The following CAPN3 variants were observed in gnomAD, a reference collection of about 807,000 sequenced individuals.
The protein encoded by CAPN3 is calpain 3, also known as calpain-3.
Under a neutral mutation model 114.0 loss-of-function variants are expected in CAPN3, and 88 were observed. The observed-to-expected ratio is 0.77, with a 90% confidence interval of 0.65 to 0.92. The LOEUF is 0.92. Among genes scored for constraint, CAPN3 ranks in the 40% least tolerant of loss-of-function variants. The pLI is 0.00. For synonymous variants in CAPN3, 386 were observed against 382.9 expected (o/e 1.01, Z -0.09); for missense variants, 1,028 against 1,069.0 (o/e 0.96, Z 0.53).
rs28364538 is a variant in CAPN3, at chr15:42,411,011, GA to G, written c.2380+12del. On this transcript the variant is annotated intron_variant, in intron 22 of 23. Transcript: ENST00000397163. The stretch of plus-strand genomic sequence containing the variant: ...TGGAGGGCATGTTCAGTAAGTGGGA[GA>G]GGGGGGCTGCCCTCTGCTCTCTTGC... 0.058 allele frequency: 92,727 copies of G among 1,592,214 alleles called. 3,022 individuals are homozygous for G. The highest frequency in any genetic ancestry group is 0.067 in the Non-Finnish European group (77,960 of 1,160,068).
intron 1 of CAPN3, among the ~76,000 whole-genome samples, chr15:42,378,617 A>G (rs1335784422): frequency 3.3e-5 from 5 of 151,194 alleles, no homozygotes; most frequent in East Asian, 2.0e-4. Context: ...TTGACTTTCT[A>G]TTGTTTTCTT....
intron 1 of CAPN3, among the ~76,000 whole-genome samples, chr15:42,381,816 G>T (rs1468527340): frequency 6.6e-6 from 1 of 152,174 alleles, no homozygotes; most frequent in South Asian, 2.1e-4. Context: ...GTGATTACAG[G>T]TGTGAGTCAT....
In CAPN3 at chr15:42,388,930, T is replaced by C. The variant is rs886042100; in HGVS notation, c.635T>C (p.Leu212Pro). The C allele has an allele frequency of 1.2e-6, 2 of 1,613,744 alleles. No individual in the cohort carries two copies. Among genetic ancestry groups the C allele is most frequent in the Non-Finnish European group, 1.7e-6 (2 of 1,180,004 alleles). ...SALLEKAYAKLHGSYEALKGG... is the reference protein window; with the variant it reads ...SALLEKAYAKPHGSYEALKGG... ...TTGGTCTTCATCCTCTCTCTAAGGCTCCATGGTTCCTACGAAGCTCTGAAA... is the reference window on the plus strand; with the variant it reads ...TTGGTCTTCATCCTCTCTCTAAGGCCCCATGGTTCCTACGAAGCTCTGAAA... Residue 212 changes from leucine (L) to proline (P), a missense_variant and splice_region_variant, in exon 5 of 24, where the codon CTC becomes CCC. Transcript: ENST00000397163.
intron 14 of CAPN3, chr15:42,405,000 GAC>G: frequency 5.1e-6 from 5 of 989,620 alleles, no homozygotes; most frequent in Non-Finnish European, 6.0e-6. Context: ...TCCCTGCACT[GAC>G]ACAGTTGTCT....
intron 3 of CAPN3, among the ~76,000 whole-genome samples, chr15:42,386,573 C>T: frequency 6.6e-6 from 1 of 152,140 alleles, no homozygotes; most frequent in East Asian, 1.9e-4. Context: ...GCTTTTATTG[C>T]CTGCAGCCCT....
chr15:42,402,521 A>G (rs2053901811), intron 12 of CAPN3: 1 of 1,438,540 alleles, frequency 7.0e-7, no homozygotes, highest in African/African-American at 1.4e-5. Context: ...GGGTCCTTCC[A>G]GCCTGAGGGG....
rs1217190023 is a variant in CAPN3, at chr15:42,386,296, G to A, written c.498+11G>A. On this transcript the variant is annotated intron_variant, in intron 3 of 23. Coordinates refer to ENST00000397163, the MANE Select transcript of CAPN3 (RefSeq NM_000070.3). ...ATCTTCCACTTCCAGGTGAGGTAAT[G>A]AGAGTGTAGTTAAGAGGGCCAGCGG... 6.3e-7 allele frequency: 1 copy of A among 1,585,782 alleles called. No individual in the cohort carries two copies. Among genetic ancestry groups the A allele is most frequent in the Admixed American group, 1.7e-5 (1 of 59,978 alleles).
At chr15:42,403,991 C>A in intron 14 of CAPN3, 2 of 658,354 alleles carry the variant, frequency 3.0e-6, no homozygotes, top group Non-Finnish European at 5.6e-6. Flanking sequence ...AGTTCAGGGG[C>A]TGGGAAATAT....
Position 42,388,978 on chromosome 15 carries a change from T to C in CAPN3, c.683T>C (p.Met228Thr). The C allele has an allele frequency of 1.2e-6, 2 of 1,614,048 alleles. No homozygotes were observed. The highest frequency in any genetic ancestry group is 1.3e-5 in the African/African-American group (1 of 75,012). The change falls in exon 5 of 24, where the codon ATG becomes ACG. Residue 228 changes from methionine to threonine, a missense_variant. By Grantham distance (81) the Met-to-Thr change is moderately conservative. Coordinates refer to ENST00000397163, the MANE Select transcript of CAPN3 (RefSeq NM_000070.3). ...AAAGGTGGGAACACCACAGAGGCCA[T>C]GGAGGACTTCACAGGAGGGGTGGCA... ...ALKGGNTTEAMEDFTGGVAEF... is the reference protein window; with the variant it reads ...ALKGGNTTEATEDFTGGVAEF...
intron 22 of CAPN3, 103 bp from the exon 23 acceptor site, chr15:42,411,184 T>A: frequency 9.3e-7 from 1 of 1,080,968 alleles, no homozygotes; most frequent in Non-Finnish European, 1.4e-6. Context: ...ATCTTTGTGC[T>A]GATGAGGGAC....
intron 1 of CAPN3, among the ~76,000 whole-genome samples, chr15:42,375,661 CTG>C (rs1405629993): frequency 6.6e-6 from 1 of 152,166 alleles, no homozygotes; most frequent in Non-Finnish European, 1.5e-5. Context: ...TTTAAATAAA[CTG>C]TAAATTTCAG....
chr15:42,405,930 A>C lies in CAPN3; in HGVS notation c.1787A>C (p.Lys596Thr). ...NTISVDRPVKKKKTKPIIFVS... is the reference protein window; with the variant it reads ...NTISVDRPVKTKKTKPIIFVS... The stretch of plus-strand genomic sequence containing the variant: ...CTGTTTCCTTTTCTTATGCAGAAAA[A>C]GAAAAAAACCAAGGTAGGTGTGTGG... Residue 596 changes from lysine to threonine, a missense_variant, in exon 15 of 24, where the codon AAG becomes ACG. By Grantham distance (78) the Lys-to-Thr change is moderately conservative (BLOSUM62 -1). Coordinates refer to ENST00000397163, the MANE Select transcript of CAPN3 (RefSeq NM_000070.3). 6.2e-7 allele frequency: 1 copy of C among 1,611,890 alleles called. No individual in the cohort carries two copies.
chr15:42,359,589 C>G lies in CAPN3; in HGVS notation c.-217C>G. The G allele has an allele frequency of 7.1e-7, 1 of 1,415,106 alleles. No homozygotes were observed. The highest frequency in any genetic ancestry group is 9.2e-7 in the Non-Finnish European group (1 of 1,088,694). The allele number at this position is 1,415,106 out of a possible 1,614,324, so 87.7% of individuals were successfully genotyped here. A position where few individuals can be genotyped will look rare whatever the true frequency, so the allele number is the denominator to read the frequency against. ...TTCAGAAATCCTTTAGCACTCATTT[C>G]TCAGGAGAACTTATGGCTTCAGAAT... is the stretch of plus-strand genomic sequence containing the variant. On this transcript the variant is annotated 5_prime_UTR_variant, in exon 1 of 24. Transcript: ENST00000397163.
intron 3 of CAPN3, 34 bp from the exon 4 acceptor site, chr15:42,387,719 A>C (rs1315102707): frequency 6.2e-7 from 1 of 1,613,890 alleles, no homozygotes; most frequent in South Asian, 1.1e-5. Context: ...CAGTAATTTG[A>C]GTATGTGACT....
At chr15:42,365,117 CT>C (rs990340493) in intron 1 of CAPN3, among the ~76,000 whole-genome samples, 5 of 152,158 alleles carry the variant, frequency 3.3e-5, no homozygotes, top group African/African-American at 1.2e-4. Flanking sequence ...GTGGAGTCAC[CT>C]TTCTGTAAAT....
chr15:42,404,121 C>T (rs765245267), intron 14 of CAPN3: 34 of 482,950 alleles, frequency 7.0e-5, no homozygotes, highest in Non-Finnish European at 1.1e-4. Flanking sequence ...TTGGATTTCA[C>T]ACATAGAGAA....
rs2141232022 is a variant in CAPN3, at chr15:42,412,167, T to C, written c.*394T>C. 2.6e-6 allele frequency: 4 copies of C among 1,536,152 alleles called. No individual in the cohort carries two copies. The highest frequency in any genetic ancestry group is 2.4e-5 in the East Asian group (1 of 40,916). On this transcript the variant is annotated 3_prime_UTR_variant, in exon 24 of 24. Coordinates refer to ENST00000397163, the MANE Select transcript of CAPN3 (RefSeq NM_000070.3). ...CCATCACCTTCACGCTGTCCCACCA[T>C]GGGCCAGGAACCAAACCAGCACTGG...
At position 42,360,045 on chromosome 15, in the gene CAPN3, C is replaced by T; in HGVS notation, c.240C>T (p.Phe80=). 1 of 1,614,174 alleles carries T rather than the reference C, an allele frequency of 6.2e-7. No homozygotes were observed. The highest frequency in any genetic ancestry group is 8.5e-7 in the Non-Finnish European group (1 of 1,179,996). The change falls in exon 1 of 24, where the codon TTC becomes TTT. Residue 80 remains phenylalanine, a synonymous_variant. Coordinates refer to ENST00000397163, the MANE Select transcript of CAPN3 (RefSeq NM_000070.3). Reference sequence around the variant, plus strand: ...AAGTTCTTTATGTGGACCCTGAGTTCCCACCGGATGAGACCTCTCTCTTTT... The same window carrying T: ...AAGTTCTTTATGTGGACCCTGAGTTTCCACCGGATGAGACCTCTCTCTTTT... ...EKKVLYVDPE[F]PPDETSLFYS... is the part of the protein sequence containing the mutation.
intron 8 of CAPN3, among the ~76,000 whole-genome samples, chr15:42,395,267 GCAGAC>G (rs2053659509): frequency 6.6e-6 from 1 of 152,136 alleles, no homozygotes; most frequent in African/African-American, 2.4e-5. Flanking sequence ...ACTGCCTCCT[GCAGAC>G]ATTCTCATGC....
Sources: gnomAD v4.1 joint callset for allele counts (sites outside exome capture counted in the v4.1 genomes callset) on GRCh38, gnomAD v4.1.1 for gene constraint, MANE v1.5 for transcripts, NCBI Gene and HGNC (gene_info 2026-07-23, HGNC 2026-07-21) for gene names.